PMS1: variants seen among roughly 807,000 people sequenced by gnomAD.
The protein encoded by PMS1 is PMS1 homolog 1, mismatch repair system component.
In PMS1, 79 loss-of-function variants were observed where a neutral mutation model predicts 93.1. The ratio of observed to expected loss-of-function variants is 0.85; its 90% CI spans 0.71 to 1.02. The LOEUF (loss-of-function observed/expected upper bound fraction) is 1.02, where lower values mean the gene tolerates loss of function less well. Ranked by LOEUF, PMS1 falls within the 50% of genes least tolerant of loss-of-function variation. The probability of loss-of-function intolerance (pLI) is 0.00; values close to 1 mark genes in which losing one functional copy is unlikely to be tolerated. For synonymous variants in PMS1, 335 were observed against 363.4 expected (o/e 0.92, Z 0.89); for missense variants, 1,064 against 1,085.3 (o/e 0.98, Z 0.28).
intron 5 of PMS1, among the ~76,000 whole-genome samples, chr2:189,828,917 G>A (rs2052680959): frequency 6.7e-6 from 1 of 148,936 alleles, no homozygotes; most frequent in Admixed American, 6.7e-5. Context: ...GGACGTAGAA[G>A]GATCCTTAGA....
chr2:189,797,746 A>T (rs550110453), intron 3 of PMS1, among the ~76,000 whole-genome samples: 1 of 152,250 alleles, frequency 6.6e-6, no homozygotes, highest in Non-Finnish European at 1.5e-5. Context: ...TGGTCTTTGG[A>T]CATCTGTTTA....
intron 3 of PMS1, among the ~76,000 whole-genome samples, chr2:189,796,282 C>T (rs5742983): frequency 2.0e-5 from 3 of 152,034 alleles, no homozygotes; most frequent in South Asian, 2.1e-4. Flanking sequence ...TGCTTGAACC[C>T]GGGAAACAGA....
At chr2:189,852,447 A>G (rs996913600) in intron 6 of PMS1, among the ~76,000 whole-genome samples, 9 of 152,228 alleles carry the variant, frequency 5.9e-5, no homozygotes, top group Non-Finnish European at 8.8e-5. Context: ...AGTTGCCAAC[A>G]AAAAGAGGCA....
intron 5 of PMS1, among the ~76,000 whole-genome samples, chr2:189,834,940 G>A (rs910493005): frequency 3.3e-5 from 5 of 152,126 alleles, no homozygotes; most frequent in Non-Finnish European, 7.3e-5. Context: ...GTGTTGCCCA[G>A]GCTGGTCTTG....
intron 6 of PMS1, among the ~76,000 whole-genome samples, chr2:189,848,064 T>G (rs1001166677): frequency 2.0e-5 from 3 of 152,194 alleles, no homozygotes; most frequent in African/African-American, 7.2e-5. Context: ...AGTTGTTTTC[T>G]AGTTTTGACA....
At chr2:189,868,061 T>G in intron 11 of PMS1, 132 bp downstream of exon 11, 1 of 775,894 alleles carries the variant, frequency 1.3e-6, no homozygotes, top group East Asian at 2.5e-5. Flanking sequence ...TCAGCTATGT[T>G]AAAACATTTT....
At chr2:189,848,502 A>G (rs1474518610) in intron 6 of PMS1, among the ~76,000 whole-genome samples, 2 of 152,108 alleles carry the variant, frequency 1.3e-5, no homozygotes, top group Non-Finnish European at 2.9e-5. Flanking sequence ...CTGTTTTGAG[A>G]TGTGTTGCCA....
At chr2:189,794,723 A>C (rs952456660) in intron 2 of PMS1, among the ~76,000 whole-genome samples, 5 of 152,182 alleles carry the variant, frequency 3.3e-5, no homozygotes, top group African/African-American at 1.2e-4. Context: ...TATGATCACT[A>C]TGGGAATTTA....
In PMS1 at chr2:189,805,679, G is replaced by C. The variant is rs1227968141; in HGVS notation, c.343G>C (p.Asp115His). The change falls in exon 4 of 13, where the codon GAT becomes CAT. Residue 115 changes from aspartate (D) to histidine (H), a missense_variant. Asp to His is a moderately conservative substitution (Grantham distance 81). Coordinates refer to ENST00000441310, the MANE Select transcript of PMS1 (RefSeq NM_000534.5). ...EVLITTRTAA[D>H]NFSTQYVLDG... ...TTTAATTACAACAAGAACGGCTGCT[G>C]ATAATTTTAGCACCCAGTATGTTTT... 1.9e-6 allele frequency: 3 copies of C among 1,613,714 alleles called. No individual in the cohort carries two copies. Among genetic ancestry groups the C allele is most frequent in the Admixed American group, 1.7e-5 (1 of 60,000 alleles).
At chr2:189,831,784 T>A (rs5743069) in intron 5 of PMS1, among the ~76,000 whole-genome samples, 1,580 of 152,276 alleles carry the variant, frequency 0.01, 23 homozygotes, top group African/African-American at 0.035. Flanking sequence ...TTTTAAAATT[T>A]AAAAATTTTT....
chr2:189,865,973 A>G (rs1256133319), intron 10 of PMS1, among the ~76,000 whole-genome samples: 1 of 152,248 alleles, frequency 6.6e-6, no homozygotes, highest in Non-Finnish European at 1.5e-5. Context: ...CAGAACACAG[A>G]AAAACATCTG....
chr2:189,824,824 C>T (rs1332455766), intron 5 of PMS1, among the ~76,000 whole-genome samples: 1 of 151,970 alleles, frequency 6.6e-6, no homozygotes, highest in African/African-American at 2.4e-5. Context: ...AGTGCTGTTG[C>T]ACCTTTAAAA....
At chr2:189,858,792 A>G (rs2055636991) in intron 9 of PMS1, among the ~76,000 whole-genome samples, 1 of 152,162 alleles carries the variant, frequency 6.6e-6, no homozygotes, top group Non-Finnish European at 1.5e-5. Flanking sequence ...GAATATAGCA[A>G]GGTAAGTAAC....
At chr2:189,805,819 A>AT (rs1247545897) in intron 4 of PMS1, 65 bp downstream of exon 4, 1 of 1,598,776 alleles carries the variant, frequency 6.3e-7, no homozygotes, top group Non-Finnish European at 8.5e-7. Context: ...GGTTTAAAAA[A>AT]AAAAAGTTAC....
At chr2:189,867,436 T>A (rs1013878857) in intron 10 of PMS1, among the ~76,000 whole-genome samples, 3 of 152,230 alleles carry the variant, frequency 2.0e-5, no homozygotes, top group African/African-American at 7.2e-5. Flanking sequence ...GAATAGCAGT[T>A]GAAAATTTGG....
chr2:189,835,113 T>C (rs1249856597), intron 5 of PMS1, among the ~76,000 whole-genome samples: 1 of 152,254 alleles, frequency 6.6e-6, no homozygotes, highest in Non-Finnish European at 1.5e-5. Flanking sequence ...ATCTTTCATC[T>C]GCCTAGCTCC....
Position 189,798,756 on chromosome 2 carries a change from GATT to G in PMS1, c.315+2806_315+2808del, listed in dbSNP as rs1241404208. 4.2e-4 allele frequency among the ~76,000 whole-genome samples: 52 copies of G among 125,218 alleles called. 1 individual carries two copies. The highest frequency in any genetic ancestry group is 4.7e-3 in the Middle Eastern group (1 of 214). 82.1% of individuals were successfully genotyped at this position (125,218 alleles called of 152,430 possible). ...TTTCTGTTTTAGAGCATAAGTATTTGATTTTTTTTTTTTTTTTTTTTTAGCTGT... is the reference window on the plus strand; with the variant it reads ...TTTCTGTTTTAGAGCATAAGTATTTGTTTTTTTTTTTTTTTTTTTAGCTGT... On this transcript the variant is annotated intron_variant, in intron 3 of 12. Coordinates refer to ENST00000441310, the MANE Select transcript of PMS1 (RefSeq NM_000534.5).
In PMS1 at chr2:189,795,956, G is replaced by C; in HGVS notation, c.315+5G>C. On this transcript the variant is annotated splice_donor_5th_base_variant and intron_variant, in intron 3 of 12. Coordinates refer to ENST00000441310, the MANE Select transcript of PMS1 (RefSeq NM_000534.5). ...TCAATTTGTTGTATAGCTGAGGTAAGGTAATTATATTGGTTATTTTAGTGA... is the reference window on the plus strand; with the variant it reads ...TCAATTTGTTGTATAGCTGAGGTAACGTAATTATATTGGTTATTTTAGTGA... 6.3e-7 allele frequency: 1 copy of C among 1,583,900 alleles called. No homozygotes were observed. The highest frequency in any genetic ancestry group is 8.7e-7 in the Non-Finnish European group (1 of 1,152,558).
chr2:189,833,391 G>C (rs1464681567), intron 5 of PMS1, among the ~76,000 whole-genome samples: 1 of 152,062 alleles, frequency 6.6e-6, no homozygotes, highest in East Asian at 1.9e-4. Context: ...AGACCATCCT[G>C]GCCAACATGG....
Sources: allele counts gnomAD v4.1 joint callset (sites outside exome capture counted in the v4.1 genomes callset), GRCh38; gene constraint gnomAD v4.1.1; transcripts MANE v1.5; gene names NCBI Gene and HGNC (gene_info 2026-07-23, HGNC 2026-07-21).